Variants in ZNF565 observed in about 807,000 individuals in gnomAD.
ZNF565 encodes zinc finger protein 565.
Under a neutral mutation model 39.4 loss-of-function variants are expected in ZNF565, and 27 were observed. The ratio of observed to expected loss-of-function variants is 0.69; its 90% CI spans 0.51 to 0.95. ZNF565 has a LOEUF of 0.95. Among genes scored for constraint, ZNF565 ranks in the 40% least tolerant of loss-of-function variants. The pLI, the probability that ZNF565 is intolerant of heterozygous loss-of-function variation, is 0.00. For synonymous variants in ZNF565, 185 were observed against 216.6 expected, an observed-to-expected ratio of 0.85 and a Z score of 1.28; for missense variants, 524 against 621.1, an observed-to-expected ratio of 0.84 and a Z score of 1.66.
At chr19:36,202,453 TAAG>T (rs1409304921) in intron 1 of ZNF565, among the ~76,000 whole-genome samples, 1 of 150,032 alleles carries the variant, frequency 6.7e-6, no homozygotes, top group East Asian at 2.0e-4. Flanking sequence ...TCCTAAAAAG[TAAG>T]GAACCCAAAA....
At chr19:36,232,194 CAAA>C (rs35069898) in intron 1 of ZNF565, among the ~76,000 whole-genome samples, 7 of 108,926 alleles carry the variant, frequency 6.4e-5, no homozygotes, top group Non-Finnish European at 3.8e-5. Context: ...GACTCCATCT[CAAA>C]AAAAAAAAAA....
chr19:36,241,484 TAA>T (rs34534450), intron 1 of ZNF565, among the ~76,000 whole-genome samples: 3,986 of 109,372 alleles, frequency 0.036, 177 homozygotes, highest in African/African-American at 0.12. Flanking sequence ...GACTCTGTAT[TAA>T]AAAAAAAAAA....
At chr19:36,201,841 T>C (rs1209165557) in intron 2 of ZNF565, 136 bp downstream of exon 2, 5 of 967,698 alleles carry the variant, frequency 5.2e-6, no homozygotes, top group East Asian at 4.8e-5. Flanking sequence ...CCGAGGGACT[T>C]GGGCACCATT....
rs530201706 is a variant in ZNF565 at position 36,196,163 on chromosome 19, C to T, written c.10-1007G>A. On this transcript the variant is annotated intron_variant, in intron 2 of 4. Transcript: ENST00000304116. ...TGTTAGTCAATCTTGAACTCCTGAC[C>T]TCATGATACGCCCGCCTTGGCCTCC... is the stretch of plus-strand genomic sequence containing the variant. 1.8e-3 allele frequency among the ~76,000 whole-genome samples: 267 copies of T among 152,202 alleles called. 1 individual carries two copies. The highest frequency in any genetic ancestry group is 3.3e-3 in the Non-Finnish European group (223 of 68,012).
upstream of ZNF565, among the ~76,000 whole-genome samples, chr19:36,219,009 C>T (rs778809259): frequency 4.0e-5 from 6 of 151,410 alleles, no homozygotes; most frequent in Non-Finnish European, 7.4e-5. Context: ...GGGATTTCAC[C>T]GTGTTAGCCA....
chr19:36,244,193 C>T (rs772412207), intron 1 of ZNF565, among the ~76,000 whole-genome samples: 2 of 152,158 alleles, frequency 1.3e-5, no homozygotes, highest in Non-Finnish European at 2.9e-5. Context: ...ATTCTTGCCA[C>T]CTCACCACAA....
intron 4 of ZNF565, among the ~76,000 whole-genome samples, chr19:36,187,822 T>A (rs183667724): frequency 1.7e-4 from 26 of 150,600 alleles, no homozygotes; most frequent in African/African-American, 5.6e-4. Flanking sequence ...TATCTTTTAG[T>A]AGAGAAGGGG....
At position 36,245,708 on chromosome 19, in the gene ZNF565, G is replaced by A. The variant is rs1357906803; in HGVS notation, c.-178C>T. The A allele has an allele frequency of 2.1e-5, 13 of 605,148 alleles. No individual in the cohort carries two copies. In the Admixed American group the frequency reaches 3.6e-4, roughly 17 times the overall value. 37.5% of individuals were successfully genotyped at this position (605,148 alleles called of 1,614,324 possible). On this transcript the variant is annotated 5_prime_UTR_variant, in exon 1 of 5. Transcript: ENST00000355114. The surrounding 1 kb of genome is among the most constrained non-coding windows in gnomAD (Gnocchi z 4.4). The stretch of plus-strand genomic sequence containing the variant: ...CTCTTAAGGACCCTCCGTTGACGAT[G>A]CCTCGAGCTATGACCCACCCTGGCT...
chr19:36,224,745 C>G (rs912575476), intron 1 of ZNF565, among the ~76,000 whole-genome samples: 3 of 152,142 alleles, frequency 2.0e-5, no homozygotes, highest in Non-Finnish European at 2.9e-5. Flanking sequence ...TATAAAATAA[C>G]TTGGGAATAG....
chr19:36,223,671 A>G (rs1976955322), intron 1 of ZNF565, among the ~76,000 whole-genome samples: 1 of 56,200 alleles, frequency 1.8e-5, no homozygotes, highest in Admixed American at 2.2e-4. Context: ...CTGATTCATC[A>G]GTCTTTTATG....
At chr19:36,210,985 T>C (rs1010250178) in intron 1 of ZNF565, among the ~76,000 whole-genome samples, 1 of 149,812 alleles carries the variant, frequency 6.7e-6, no homozygotes, top group African/African-American at 2.5e-5. Context: ...AGTGGCCAAA[T>C]GTGTGATAAT....
chr19:36,205,171 T>C (rs2145352521), intron 1 of ZNF565, among the ~76,000 whole-genome samples: 1 of 152,208 alleles, frequency 6.6e-6, no homozygotes. Flanking sequence ...GTCGTTCGCT[T>C]AAGCTCAGGA....
chr19:36,196,135 C>A (rs576576974), intron 2 of ZNF565, among the ~76,000 whole-genome samples: 6 of 151,762 alleles, frequency 4.0e-5, no homozygotes, highest in African/African-American at 1.4e-4. Flanking sequence ...TGGGGTTTCA[C>A]CATGTTAGTC....
Position 36,245,534 on chromosome 19 carries a change from G to A in ZNF565, c.-4C>T, listed in dbSNP as rs866769593. 37 of 702,208 alleles carry A rather than the reference G, an allele frequency of 5.3e-5. No individual in the cohort carries two copies. The Middle Eastern group carries it at 6.8e-3, about 130-fold the overall frequency. The allele number at this position is 702,208 out of a possible 1,614,324, so 43.5% of individuals were successfully genotyped here. On this transcript the variant is annotated 5_prime_UTR_variant, in exon 1 of 5. Transcript: ENST00000355114. This position sits in a 1 kb window ranked among gnomAD's most constrained non-coding sequence, Gnocchi z 4.4. ...TTTCCCAGGGTCCACGGCGCATTTA[G>A]GTGGTGGCTTGCTCTGGACTACATT...
intron 4 of ZNF565, among the ~76,000 whole-genome samples, chr19:36,184,079 TAAAAA>T (rs752744030): frequency 5.1e-5 from 2 of 39,248 alleles, no homozygotes; most frequent in African/African-American, 9.8e-5. Context: ...CTCTGTCTCA[TAAAAA>T]AAAAAAAAAA....
In ZNF565 at chr19:36,182,464, T is replaced by G; in HGVS notation, c.*2A>C. The G allele has an allele frequency of 1.3e-6, 2 of 1,554,260 alleles. No homozygotes were observed. Among genetic ancestry groups the G allele is most frequent in the South Asian group, 2.5e-5 (2 of 80,472 alleles). On this transcript the variant is annotated 3_prime_UTR_variant, in exon 5 of 5. Coordinates refer to ENST00000304116, the MANE Select transcript of ZNF565 (RefSeq NM_152477.5). ...ATCTTTATCCCTTACACTCAAGGCTTTCTAACCAGTATGAATTCTGTAGTG... is the reference window on the plus strand; with the variant it reads ...ATCTTTATCCCTTACACTCAAGGCTGTCTAACCAGTATGAATTCTGTAGTG...
In ZNF565 at chr19:36,245,297, G is replaced by A. The variant is rs1444403265; in HGVS notation, c.55+179C>T. 6.6e-6 allele frequency among the ~76,000 whole-genome samples: 1 copy of A among 152,196 alleles called. No individual in the cohort carries two copies. Among genetic ancestry groups the A allele is most frequent in the African/African-American group, 2.4e-5 (1 of 41,450 alleles). On this transcript the variant is annotated intron_variant, in intron 1 of 4. Transcript: ENST00000355114. The surrounding 1 kb of genome is among the most constrained non-coding windows in gnomAD (Gnocchi z 4.4). ...GCGTGCACCAACTCGCGCCTAGAGG[G>A]CGTGTATGACCCCAGCTCAGTTCTA...
chr19:36,215,127 C>A (rs1976541545), upstream of ZNF565: 1 of 152,348 alleles, frequency 6.6e-6, no homozygotes, highest in Non-Finnish European at 1.5e-5. Flanking sequence ...CGCAGCGCAC[C>A]GAGTGGACAT....
intron 1 of ZNF565, among the ~76,000 whole-genome samples, chr19:36,222,638 TTA>T (rs1196942982): frequency 6.6e-6 from 1 of 152,122 alleles, no homozygotes; most frequent in Non-Finnish European, 1.5e-5. Flanking sequence ...GAATTTTTTT[TTA>T]TATGTTTAAA....
Sources: gnomAD v4.1 joint callset for allele counts (sites outside exome capture counted in the v4.1 genomes callset) on GRCh38, gnomAD v4.1.1 for gene constraint, Gnocchi (gnomAD v3.1) non-coding constraint, MANE v1.5 for transcripts, NCBI Gene and HGNC (gene_info 2026-07-23, HGNC 2026-07-21) for gene names.